Variants in FCMR observed in about 807,000 individuals in gnomAD.
FCMR encodes the protein Fc mu receptor.
FCMR carries 34 observed loss-of-function variants against 41.6 expected under a neutral mutation model. That is an observed-to-expected ratio of 0.82 (90% CI 0.62 to 1.09). The LOEUF (loss-of-function observed/expected upper bound fraction) is 1.09. Among genes scored for constraint, FCMR ranks in the 50% least tolerant of loss-of-function variants. FCMR has a pLI of 0.00. For missense variants in FCMR, 496 were observed against 512.5 expected (o/e 0.97, Z 0.31); for synonymous variants, 209 against 211.8 (o/e 0.99, Z 0.12).
chr1:206,914,835 A>G (rs558562154), intron 1 of FCMR, among the ~76,000 whole-genome samples: 2 of 152,240 alleles, frequency 1.3e-5, no homozygotes, highest in African/African-American at 2.4e-5. Flanking sequence ...CCTTAGCGTT[A>G]CCTTAATTTA....
rs918844838 is a variant in FCMR, at chr1:206,905,034, G to T, written c.1158C>A (p.Ile386=). 5.6e-6 allele frequency: 9 copies of T among 1,614,092 alleles called. No individual in the cohort carries two copies. The highest frequency in any genetic ancestry group is 7.6e-6 in the Non-Finnish European group (9 of 1,180,006). The change falls in exon 8 of 8, where the codon ATC becomes ATA. Residue 386 remains isoleucine, a synonymous_variant. Coordinates refer to ENST00000367091, the MANE Select transcript of FCMR (RefSeq NM_005449.5). ...TGGGGAGTTGTCAGGCAGGAACATT[G>T]ATGTAGTCATCTGAATCACTGTCCT... is the stretch of plus-strand genomic sequence containing the variant. ...MMEDSDSDDY[I]NVPA
At chr1:206,910,097 C>T in intron 5 of FCMR, 113 bp downstream of exon 5, 1 of 1,291,276 alleles carries the variant, frequency 7.7e-7, no homozygotes, top group South Asian at 1.6e-5. Flanking sequence ...TTCCCTACAC[C>T]CCAGGCTGCT....
chr1:206,908,058 G>T, intron 7 of FCMR: 1 of 1,168,292 alleles, frequency 8.6e-7, no homozygotes, highest in Non-Finnish European at 1.3e-6. Context: ...ATGGTGGCTG[G>T]AAGTACCAGG....
rs1479442029 is a variant in FCMR at position 206,911,783 on chromosome 1, C to A, written c.657G>T (p.Leu219=). The A allele has an allele frequency of 6.2e-7, 1 of 1,611,424 alleles. No homozygotes were observed. The highest frequency in any genetic ancestry group is 1.1e-5 in the South Asian group (1 of 90,684). Residue 219 remains leucine (L), a synonymous_variant, in exon 4 of 8, where the codon CTG becomes CTT. Coordinates refer to ENST00000367091, the MANE Select transcript of FCMR (RefSeq NM_005449.5). The part of the protein sequence containing the change: ...TASKISALEG[L]LKPQTPSYNH... The stretch of plus-strand genomic sequence containing the variant: ...TGTAGCTGGGCGTCTGGGGCTTGAG[C>A]AGCCCCTCCAGAGCTGAGATTTTTG...
chr1:206,909,515 C>T lies in FCMR; in HGVS notation c.991G>A (p.Gly331Arg). 2 of 1,309,764 alleles carry T rather than the reference C, an allele frequency of 1.5e-6. No homozygotes were observed. Among genetic ancestry groups the T allele is most frequent in the Non-Finnish European group, 9.7e-7 (1 of 1,031,886 alleles). The allele number at this position is 1,309,764 out of a possible 1,614,324, so 81.1% of individuals were successfully genotyped here. A position where few individuals can be genotyped will look rare whatever the true frequency, so the allele number is the denominator to read the frequency against. ...CCGGGGCCGGGAACGGGGGCCTCCC[C>T]TGTGCCTAGGGAACAGCGAGGGCGA... ...RARGADAAGT[G>R]EAPVPGPGAP... is the part of the protein sequence containing the mutation. Residue 331 changes from glycine to arginine, a missense_variant, in exon 7 of 8, where the codon GGG becomes AGG. Gly to Arg is a moderately radical substitution (Grantham distance 125, BLOSUM62 -2). Coordinates refer to ENST00000367091, the MANE Select transcript of FCMR (RefSeq NM_005449.5). The surrounding 1 kb of genome is among the most constrained non-coding windows in gnomAD (Gnocchi z 5.0).
In FCMR at chr1:206,903,973, G is replaced by A. The variant is rs1678507453; in HGVS notation, c.*1046C>T. 6.6e-6 allele frequency: 1 copy of A among 152,366 alleles called. No individual in the cohort carries two copies. The highest frequency in any genetic ancestry group is 1.5e-5 in the Non-Finnish European group (1 of 68,054). The allele number at this position is 152,366 out of a possible 1,614,324, so 9.4% of individuals were successfully genotyped here. On this transcript the variant is annotated 3_prime_UTR_variant, in exon 8 of 8. Transcript: ENST00000367091. ...AGCAAGGCTGTGCATCTAGCCTCAA[G>A]CTCTGGCTGAACTTTGTGGTCGACA...
rs1362370913 is a variant in FCMR, at chr1:206,907,818, C to T, written c.1044+1644G>A. Reference sequence around the variant, plus strand: ...CGCAAGCGGATGAACACCAACCCTTCCCGAGGTCCCTACCACTTCCCGGCC... The same window carrying T: ...CGCAAGCGGATGAACACCAACCCTTTCCGAGGTCCCTACCACTTCCCGGCC... On this transcript the variant is annotated intron_variant, in intron 7 of 7. Coordinates refer to ENST00000367091, the MANE Select transcript of FCMR (RefSeq NM_005449.5). 9.3e-6 allele frequency: 13 copies of T among 1,399,830 alleles called. No homozygotes were observed. In the South Asian group the frequency reaches 1.0e-4, roughly 11 times the overall value. 86.7% of individuals were successfully genotyped at this position (1,399,830 alleles called of 1,614,324 possible).
In FCMR at chr1:206,913,591, C is replaced by G. The variant is rs1458872092; in HGVS notation, c.373+168G>C. On this transcript the variant is annotated intron_variant, in intron 2 of 7. Coordinates refer to ENST00000367091, the MANE Select transcript of FCMR (RefSeq NM_005449.5). ...ATGTTGGGTAGAAAATTGTGTGGAC[C>G]ATGGAGGTAATTGACTATGAGGTTT... The G allele has an allele frequency of 2.0e-5, 12 of 614,566 alleles. 1 individual carries two copies. The Admixed American group carries it at 2.9e-4, about 15-fold the overall frequency. The allele number at this position is 614,566 out of a possible 1,614,324, so 38.1% of individuals were successfully genotyped here. A position where few individuals can be genotyped will look rare whatever the true frequency, so the allele number is the denominator to read the frequency against.
chr1:206,904,288 A>G lies in FCMR; in HGVS notation c.*731T>C, dbSNP rs1449001875. The G allele has an allele frequency of 6.6e-6, 1 of 151,966 alleles. No individual in the cohort carries two copies. Among genetic ancestry groups the G allele is most frequent in the East Asian group, 1.9e-4 (1 of 5,328 alleles). 9.4% of individuals were successfully genotyped at this position (151,966 alleles called of 1,614,324 possible). A position where few individuals can be genotyped will look rare whatever the true frequency, so the allele number is the denominator to read the frequency against. On this transcript the variant is annotated 3_prime_UTR_variant, in exon 8 of 8. Coordinates refer to ENST00000367091, the MANE Select transcript of FCMR (RefSeq NM_005449.5). ...CAGTGTCAGGCTATGGAAGAAAGAT[A>G]AAGAGATACTTTTTTTTTTTTTTTT...
rs1423954367 is a variant in FCMR at position 206,904,086 on chromosome 1, G to A, written c.*933C>T. On this transcript the variant is annotated 3_prime_UTR_variant, in exon 8 of 8. Transcript: ENST00000367091. ...GTAGGAGGTGGGATATCACTTCCAT[G>A]ACATAAGTGCTATTGCAGAGCCGTG... 2 of 152,304 alleles carry A rather than the reference G, an allele frequency of 1.3e-5. No individual in the cohort carries two copies. The highest frequency in any genetic ancestry group is 2.9e-5 in the Non-Finnish European group (2 of 68,036). 9.4% of individuals were successfully genotyped at this position (152,304 alleles called of 1,614,324 possible).
chr1:206,920,906 C>T (rs1679410612), intron 1 of FCMR, among the ~76,000 whole-genome samples: 2 of 152,154 alleles, frequency 1.3e-5, no homozygotes, highest in Non-Finnish European at 2.9e-5. Context: ...GGATCAAGGT[C>T]TGAATGAGGA....
At chr1:206,907,592 T>C in intron 7 of FCMR, 2 of 677,486 alleles carry the variant, frequency 3.0e-6, no homozygotes, top group Non-Finnish European at 5.6e-6. Context: ...AAACAAGGGA[T>C]TTTCTTTTCC....
At chr1:206,922,939 C>A (rs1256567852), upstream of FCMR, among the ~76,000 whole-genome samples, 1 of 152,208 alleles carries the variant, frequency 6.6e-6, no homozygotes, top group African/African-American at 2.4e-5. Flanking sequence ...CCCTGCCCAC[C>A]TCACATGGCT....
Position 206,911,881 on chromosome 1 carries a change from G to C in FCMR, c.559C>G (p.Arg187Gly), listed in dbSNP as rs763799731. ...HSSPTTQITH[R>G]PRVSRASSVA... is the part of the protein sequence containing the mutation. ...GAAGATGCTCTGGACACTCGAGGGC[G>C]GTGGGTGATTTGGGTGGTGGGGGAG... Residue 187 changes from arginine to glycine, a missense_variant, in exon 4 of 8, where the codon CGC becomes GGC. Physicochemically the swap from Arg to Gly is moderately radical, Grantham distance 125. Coordinates refer to ENST00000367091, the MANE Select transcript of FCMR (RefSeq NM_005449.5). 2 of 1,606,484 alleles carry C rather than the reference G, an allele frequency of 1.2e-6. No individual in the cohort carries two copies. The highest frequency in any genetic ancestry group is 1.7e-6 in the Non-Finnish European group (2 of 1,177,678).
In FCMR at chr1:206,921,931, C is replaced by T. The variant is rs2102585637; in HGVS notation, c.-77G>A. The T allele has an allele frequency of 1.5e-6, 2 of 1,327,098 alleles. No homozygotes were observed. The highest frequency in any genetic ancestry group is 2.2e-6 in the Non-Finnish European group (2 of 924,832). The allele number at this position is 1,327,098 out of a possible 1,614,324, so 82.2% of individuals were successfully genotyped here. A position where few individuals can be genotyped will look rare whatever the true frequency, so the allele number is the denominator to read the frequency against. On this transcript the variant is annotated 5_prime_UTR_variant, in exon 1 of 8. Transcript: ENST00000367091. ...GAGACACGCTGCTTACTCAGGAACC[C>T]TTCACAATCTGGAACTGGAAAGAGA... is the stretch of plus-strand genomic sequence containing the variant.
rs1678528307 is a variant in FCMR at position 206,904,349 on chromosome 1, G to C, written c.*670C>G. ...GATGCTGAGGTCAGGGCACTTATGTGCATCAAGTGATGGAGACAGAGTAAA... is the reference window on the plus strand; with the variant it reads ...GATGCTGAGGTCAGGGCACTTATGTCCATCAAGTGATGGAGACAGAGTAAA... On this transcript the variant is annotated 3_prime_UTR_variant, in exon 8 of 8. Coordinates refer to ENST00000367091, the MANE Select transcript of FCMR (RefSeq NM_005449.5). 1 of 150,510 alleles carries C rather than the reference G, an allele frequency of 6.6e-6. No individual in the cohort carries two copies. The highest frequency in any genetic ancestry group is 2.1e-4 in the South Asian group (1 of 4,776). The allele number at this position is 150,510 out of a possible 1,614,324, so 9.3% of individuals were successfully genotyped here. A position where few individuals can be genotyped will look rare whatever the true frequency, so the allele number is the denominator to read the frequency against.
intron 7 of FCMR, chr1:206,906,243 AG>A: frequency 2.4e-6 from 1 of 413,752 alleles, no homozygotes; most frequent in South Asian, 2.2e-5. Flanking sequence ...GAGGTGACAC[AG>A]AGAAATGAGA....
At position 206,909,774 on chromosome 1, in the gene FCMR, GT is replaced by G; in HGVS notation, c.935del (p.Asn312ThrfsTer49). ...GCCGCGGGCAGGCGCTGTAGATGTT[GT>G]TTTGGGAGCGCGGTCGCGGCGACCC... is the stretch of plus-strand genomic sequence containing the variant. The part of the protein sequence containing the change: ...PRGSPRPRSQ[N>X]NIYSACPRRA... On this transcript the variant is annotated frameshift_variant, in exon 6 of 8. Transcript: ENST00000367091. LOFTEE classifies it high-confidence loss of function. The surrounding 1 kb of genome is among the most constrained non-coding windows in gnomAD (Gnocchi z 5.0). The G allele has an allele frequency of 1.4e-6, 2 of 1,461,756 alleles. No individual in the cohort carries two copies. The highest frequency in any genetic ancestry group is 2.8e-5 in the Admixed American group (1 of 36,308). 90.5% of individuals were successfully genotyped at this position (1,461,756 alleles called of 1,614,324 possible). A position where few individuals can be genotyped will look rare whatever the true frequency, so the allele number is the denominator to read the frequency against.
intron 4 of FCMR, among the ~76,000 whole-genome samples, chr1:206,910,828 CT>C (rs1678907363): frequency 1.3e-5 from 2 of 152,238 alleles, no homozygotes; most frequent in Admixed American, 6.5e-5. Context: ...TGAAATCTTA[CT>C]TTTCTTAAAG....
Sources: allele counts gnomAD v4.1 joint callset (sites outside exome capture counted in the v4.1 genomes callset), GRCh38; gene constraint gnomAD v4.1.1; non-coding constraint Gnocchi (gnomAD v3.1); transcripts MANE v1.5; gene names NCBI Gene and HGNC (gene_info 2026-07-23, HGNC 2026-07-21).